Variants in SRD5A2 observed in about 807,000 individuals in gnomAD.
SRD5A2 encodes 3-oxo-5-alpha-steroid 4-dehydrogenase 2.
In SRD5A2, 30 loss-of-function variants were observed where a neutral mutation model predicts 27.4. The ratio of observed to expected loss-of-function variants is 1.10; its 90% CI spans 0.82 to 1.49. The LOEUF is 1.49. SRD5A2 is among the 40% of genes most tolerant of loss of function. The pLI is 0.00. For missense variants in SRD5A2, 348 were observed against 323.4 expected (o/e 1.08, Z -0.58); for synonymous variants, 141 against 133.6 (o/e 1.06, Z -0.38).
At chr2:31,627,400 A>G in the SRD5A2 span, among the ~76,000 whole-genome samples, 15 of 150,774 alleles carry the variant, frequency 9.9e-5, no homozygotes, top group African/African-American at 2.9e-4. Flanking sequence ...CTTTCATAGA[A>G]CAGCTCCTGT....
the SRD5A2 span, among the ~76,000 whole-genome samples, chr2:31,606,371 C>T: frequency 6.6e-6 from 1 of 151,904 alleles, no homozygotes; most frequent in Non-Finnish European, 1.5e-5. Context: ...GATTATTATG[C>T]ATTGCATGCC....
At chr2:31,584,222 G>T (rs1410380656), upstream of SRD5A2, among the ~76,000 whole-genome samples, 1 of 152,120 alleles carries the variant, frequency 6.6e-6, no homozygotes, top group African/African-American at 2.4e-5. Flanking sequence ...AGAAGGCCAT[G>T]GTTTAGTAGT....
At chr2:31,595,552 A>G in the SRD5A2 span, among the ~76,000 whole-genome samples, 1 of 151,928 alleles carries the variant, frequency 6.6e-6, no homozygotes, top group Non-Finnish European at 1.5e-5. Flanking sequence ...TGAGATTGAA[A>G]CAGTGAGAAA....
the SRD5A2 span, among the ~76,000 whole-genome samples, chr2:31,604,336 A>G: frequency 3.3e-5 from 5 of 151,884 alleles, no homozygotes; most frequent in Non-Finnish European, 7.4e-5. Context: ...AAAAGGAAGA[A>G]GTCATATTAT....
the SRD5A2 span, among the ~76,000 whole-genome samples, chr2:31,624,078 G>C: frequency 6.6e-6 from 1 of 151,892 alleles, no homozygotes; most frequent in Non-Finnish European, 1.5e-5. Context: ...TTTTGTTGCT[G>C]TTTTTGTTTT....
Position 31,580,926 on chromosome 2 carries a change from G to T in SRD5A2, c.-26C>A. On this transcript the variant is annotated 5_prime_UTR_variant, in exon 1 of 5. Coordinates refer to ENST00000622030, the MANE Select transcript of SRD5A2 (RefSeq NM_000348.4). ...CGCGCCGTGTTCCTCGCCGGTGGCC[G>T]CTGCCCTCCCAGAAGAGAGCGCGGC... 6.3e-7 allele frequency: 1 copy of T among 1,583,710 alleles called. No homozygotes were observed. The highest frequency in any genetic ancestry group is 8.6e-7 in the Non-Finnish European group (1 of 1,164,178).
the SRD5A2 span, among the ~76,000 whole-genome samples, chr2:31,589,978 C>G: frequency 1.1e-3 from 168 of 152,122 alleles, 2 homozygotes; most frequent in Non-Finnish European, 1.0e-3. Flanking sequence ...CTGAGTGAGG[C>G]CCGTCACTGC....
the SRD5A2 span, among the ~76,000 whole-genome samples, chr2:31,603,248 C>T: frequency 2.0e-5 from 3 of 151,804 alleles, no homozygotes; most frequent in Non-Finnish European, 4.4e-5. Flanking sequence ...AGGACATGAA[C>T]AGACACTTCT....
chr2:31,564,734 T>C (rs185829640), intron 1 of SRD5A2, among the ~76,000 whole-genome samples: 314 of 152,112 alleles, frequency 2.1e-3, no homozygotes, highest in African/African-American at 7.2e-3. Flanking sequence ...AAGACGACAG[T>C]GAAACATCTT....
At chr2:31,658,422 A>G in the SRD5A2 span, among the ~76,000 whole-genome samples, 135 of 152,054 alleles carry the variant, frequency 8.9e-4, no homozygotes, top group African/African-American at 3.1e-3. Flanking sequence ...ATACAAAACC[A>G]AAAATTAATT....
the SRD5A2 span, among the ~76,000 whole-genome samples, chr2:31,587,071 A>G: frequency 6.6e-6 from 1 of 152,228 alleles, no homozygotes; most frequent in African/African-American, 2.4e-5. Context: ...CTCCATCAAA[A>G]AGTGGATGAA....
chr2:31,554,069 C>A (rs1270425006), intron 1 of SRD5A2, among the ~76,000 whole-genome samples: 1 of 151,994 alleles, frequency 6.6e-6, no homozygotes, highest in Non-Finnish European at 1.5e-5. Flanking sequence ...TCCTTCCTAC[C>A]CATAACAGGA....
At chr2:31,650,320 G>C in the SRD5A2 span, among the ~76,000 whole-genome samples, 10 of 152,090 alleles carry the variant, frequency 6.6e-5, no homozygotes, top group Non-Finnish European at 1.2e-4. Flanking sequence ...AAAAAGTGAG[G>C]GATGGGCAAA....
chr2:31,542,071 A>G (rs1225297444), intron 1 of SRD5A2, among the ~76,000 whole-genome samples: 1 of 152,168 alleles, frequency 6.6e-6, no homozygotes, highest in Admixed American at 6.5e-5. Flanking sequence ...ATCAGTGAAC[A>G]TTGGACACCA....
chr2:31,576,422 A>G (rs776715915), intron 1 of SRD5A2, among the ~76,000 whole-genome samples: 12 of 56,340 alleles, frequency 2.1e-4, no homozygotes, highest in Admixed American at 4.1e-4. Flanking sequence ...GCCATCAGAG[A>G]AATGCAAATC....
chr2:31,624,626 C>A, the SRD5A2 span, among the ~76,000 whole-genome samples: 1 of 151,946 alleles, frequency 6.6e-6, no homozygotes, highest in African/African-American at 2.4e-5. Context: ...TCTGTCCTTG[C>A]GATAGTTTGC....
At chr2:31,632,983 T>C in the SRD5A2 span, among the ~76,000 whole-genome samples, 2 of 152,106 alleles carry the variant, frequency 1.3e-5, no homozygotes, top group Non-Finnish European at 2.9e-5. Context: ...GAGATTATTA[T>C]TGGCTGTACA....
intron 1 of SRD5A2, 83 bp downstream of exon 1, chr2:31,580,537 C>G (rs975810669): frequency 6.4e-6 from 9 of 1,404,226 alleles, no homozygotes; most frequent in Middle Eastern, 2.6e-4. Flanking sequence ...TGGCGTTCCT[C>G]GGTGCGCGCT....
chr2:31,592,270 C>T, the SRD5A2 span, among the ~76,000 whole-genome samples: 1 of 152,082 alleles, frequency 6.6e-6, no homozygotes, highest in South Asian at 2.1e-4. Flanking sequence ...CAACCCATAA[C>T]AGAACAAACC....
Sources: allele counts gnomAD v4.1 joint callset (sites outside exome capture counted in the v4.1 genomes callset), GRCh38; gene constraint gnomAD v4.1.1; transcripts MANE v1.5; gene names NCBI Gene and HGNC (gene_info 2026-07-23, HGNC 2026-07-21).